Variants in TAF1B observed in about 807,000 individuals in gnomAD.
TAF1B encodes the protein TATA-box binding protein associated factor, RNA polymerase I subunit B, also known as TATA box-binding protein-associated factor RNA polymerase I subunit B.
A neutral mutation model predicts 83.9 loss-of-function variants in TAF1B; 61 were observed. The ratio of observed to expected loss-of-function variants is 0.73; its 90% confidence interval spans 0.59 to 0.90. The LOEUF (loss-of-function observed/expected upper bound fraction) is 0.90. Ranked by LOEUF, TAF1B falls within the 40% of genes least tolerant of loss-of-function variation. The pLI is 0.00. For missense variants in TAF1B, 625 were observed against 677.0 expected (o/e 0.92, Z 0.85); for synonymous variants, 221 against 224.6 (o/e 0.98, Z 0.14).
intron 5 of TAF1B, among the ~76,000 whole-genome samples, chr2:9,862,992 G>A (rs933782905): frequency 6.6e-6 from 1 of 152,102 alleles, no homozygotes; most frequent in East Asian, 1.9e-4. Flanking sequence ...GCAAAAACAT[G>A]CCAAATTGTA....
chr2:9,849,443 A>T lies in TAF1B; in HGVS notation c.188A>T (p.Lys63Ile). The change falls in exon 3 of 15, where the codon AAA (lysine) becomes ATA (isoleucine). Residue 63 changes from lysine (K) to isoleucine (I), a missense_variant. Coordinates refer to ENST00000263663, the MANE Select transcript of TAF1B (RefSeq NM_005680.3). ...ATAAAAGCCCTCAACCGGGGGCTTA[A>T]AAAAAAAAACAATACTGGTAAGTTC... The part of the protein sequence containing the change: ...TQIKALNRGL[K>I]KKNNTEKGWD... 1 of 1,537,394 alleles carries T rather than the reference A, an allele frequency of 6.5e-7. No homozygotes were observed.
intron 5 of TAF1B, among the ~76,000 whole-genome samples, chr2:9,862,806 A>G (rs1051240765): frequency 1.3e-5 from 2 of 152,272 alleles, no homozygotes; most frequent in African/African-American, 2.4e-5. Context: ...TCTTAAAGAA[A>G]AGAATTTTCA....
At chr2:9,895,733 G>T (rs1054916510) in intron 8 of TAF1B, among the ~76,000 whole-genome samples, 3 of 151,408 alleles carry the variant, frequency 2.0e-5, no homozygotes, top group Non-Finnish European at 4.4e-5. Context: ...GGTTTAACAG[G>T]TGCACTTTGC....
In TAF1B at chr2:9,875,859, C is replaced by T. The variant is rs1664306795; in HGVS notation, c.554-6C>T. The stretch of plus-strand genomic sequence containing the variant: ...GATTTTTAAAAATCTCCATTTATCT[C>T]CTAAGAAACGTCTGTCTGCTCTGGA... On this transcript the variant is annotated splice_polypyrimidine_tract_variant and splice_region_variant and intron_variant, in intron 6 of 14. Transcript: ENST00000263663. 6.4e-7 allele frequency: 1 copy of T among 1,568,802 alleles called. No homozygotes were observed. Among genetic ancestry groups the T allele is most frequent in the African/African-American group, 1.4e-5 (1 of 73,848 alleles).
chr2:9,906,887 G>A (rs12615461), intron 9 of TAF1B, among the ~76,000 whole-genome samples: 78,151 of 151,854 alleles, frequency 0.51, 23,107 homozygotes, highest in Non-Finnish European at 0.68. Flanking sequence ...AAGCTTTTGC[G>A]ATTTTTTGAA....
chr2:9,843,605 G>A (rs1242037790), intron 1 of TAF1B, 46 bp downstream of exon 1: 2 of 1,472,808 alleles, frequency 1.4e-6, no homozygotes, highest in South Asian at 1.3e-5. Flanking sequence ...CGGGGCCGGA[G>A]GAGAGAGAAG....
At chr2:9,916,800 A>G (rs1665692061) in intron 12 of TAF1B, among the ~76,000 whole-genome samples, 1 of 148,904 alleles carries the variant, frequency 6.7e-6, no homozygotes, top group African/African-American at 2.5e-5. Context: ...TTACATCTCT[A>G]CTGCTACCTA....
chr2:9,868,124 CGT>C (rs1223731197), intron 5 of TAF1B, 150 bp from the exon 6 acceptor site: 15 of 738,816 alleles, frequency 2.0e-5, no homozygotes, highest in African/African-American at 3.6e-5. Flanking sequence ...CTGTCAGGAG[CGT>C]GTTTCAGAAG....
chr2:9,870,004 A>G (rs758254681), intron 6 of TAF1B, among the ~76,000 whole-genome samples: 1 of 152,190 alleles, frequency 6.6e-6, no homozygotes, highest in Non-Finnish European at 1.5e-5. Flanking sequence ...ATCATTCCAG[A>G]AAGTTTTTCT....
intron 5 of TAF1B, among the ~76,000 whole-genome samples, chr2:9,867,327 AGTGGTAACCT>A (rs1316478201): frequency 6.6e-6 from 1 of 152,220 alleles, no homozygotes; most frequent in African/African-American, 2.4e-5. Flanking sequence ...AGTTGCTGGC[AGTGGTAACCT>A]GTGGGAACCT....
At chr2:9,846,165 ACCC>A (rs1663201709) in intron 2 of TAF1B, 2 of 466,462 alleles carry the variant, frequency 4.3e-6, no homozygotes, top group African/African-American at 4.0e-5. Context: ...TGCCAAAGTT[ACCC>A]AAGTACCAGG....
chr2:9,868,457 AT>A, intron 6 of TAF1B, 28 bp downstream of exon 6: 2 of 1,592,948 alleles, frequency 1.3e-6, no homozygotes, highest in Non-Finnish European at 1.7e-6. Flanking sequence ...ACCATTTCGA[AT>A]TTTAAAGCTG....
chr2:9,892,357 A>C (rs1664895769), intron 8 of TAF1B, among the ~76,000 whole-genome samples: 1 of 152,210 alleles, frequency 6.6e-6, no homozygotes, highest in Non-Finnish European at 1.5e-5. Flanking sequence ...TATCTCTGTC[A>C]TTCAGCTACG....
At chr2:9,869,232 GTTTTGTTTTT>G (rs1248570582) in intron 6 of TAF1B, among the ~76,000 whole-genome samples, 16 of 151,312 alleles carry the variant, frequency 1.1e-4, no homozygotes, top group Admixed American at 3.9e-4. Context: ...GTTTTGTTTT[GTTTTGTTTTT>G]GAGATGGAAT....
chr2:9,934,059 G>A lies in TAF1B; in HGVS notation c.*75G>A, dbSNP rs556686656. On this transcript the variant is annotated 3_prime_UTR_variant, in exon 15 of 15. Coordinates refer to ENST00000263663, the MANE Select transcript of TAF1B (RefSeq NM_005680.3). ...CATCAGATTTTAATATAACATTCCA[G>A]AGAATTGTGGAAAATACTGCATATA... is the stretch of plus-strand genomic sequence containing the variant. The A allele has an allele frequency of 4.0e-5, 48 of 1,209,550 alleles. No homozygotes were observed. The East Asian group carries it at 1.1e-3, about 29-fold the overall frequency. 74.9% of individuals were successfully genotyped at this position (1,209,550 alleles called of 1,614,324 possible).
intron 8 of TAF1B, among the ~76,000 whole-genome samples, chr2:9,884,628 G>T (rs1466874888): frequency 6.6e-6 from 1 of 152,220 alleles, no homozygotes; most frequent in Non-Finnish European, 1.5e-5. Context: ...CTGCAGGCAG[G>T]TCGTCCTATT....
At chr2:9,923,956 T>C (rs1399770564) in intron 14 of TAF1B, among the ~76,000 whole-genome samples, 6 of 152,226 alleles carry the variant, frequency 3.9e-5, no homozygotes, top group African/African-American at 1.4e-4. Flanking sequence ...GATCCGTACC[T>C]TTGTGCTTTT....
intron 8 of TAF1B, among the ~76,000 whole-genome samples, chr2:9,888,790 GTTTTTT>G (rs56125595): frequency 4.0e-4 from 33 of 81,648 alleles, no homozygotes; most frequent in East Asian, 9.4e-4. Flanking sequence ...CTTCTGCTTG[GTTTTTT>G]TTTTTTTTTT....
chr2:9,918,446 A>T (rs34860209), intron 12 of TAF1B, among the ~76,000 whole-genome samples: 2 of 151,982 alleles, frequency 1.3e-5, no homozygotes, highest in African/African-American at 4.8e-5. Flanking sequence ...GCAATCCAGG[A>T]TCCCCATTTT....
Sources: allele counts gnomAD v4.1 joint callset (sites outside exome capture counted in the v4.1 genomes callset), GRCh38; gene constraint gnomAD v4.1.1; transcripts MANE v1.5; gene names NCBI Gene and HGNC (gene_info 2026-07-23, HGNC 2026-07-21).